SRGAP1: variants seen among roughly 807,000 people sequenced by gnomAD.
The protein encoded by SRGAP1 is SLIT-ROBO Rho GTPase activating protein 1, also known as SLIT-ROBO Rho GTPase-activating protein 1.
In SRGAP1, 43 loss-of-function variants were observed where a neutral mutation model predicts 121.9. The ratio of observed to expected loss-of-function variants is 0.35; its 90% CI spans 0.28 to 0.46. The LOEUF is 0.46. Ranked by LOEUF, SRGAP1 falls within the 20% of genes least tolerant of loss-of-function variation. The pLI, the probability that SRGAP1 is intolerant of heterozygous loss-of-function variation, is 1.00. For missense variants in SRGAP1, 1,102 were observed against 1,350.9 expected (o/e 0.82, Z 2.89); for synonymous variants, 447 against 485.4 (o/e 0.92, Z 1.04).
In SRGAP1 at chr12:63,966,145, T is replaced by A. The variant is rs116121740; in HGVS notation, c.68-17802T>A. Among the ~76,000 whole-genome samples, 793 of 152,274 alleles carry A rather than the reference T, an allele frequency of 5.2e-3. 5 individuals are homozygous for A. Among genetic ancestry groups the A allele is most frequent in the African/African-American group, 0.018 (762 of 41,558 alleles). The stretch of plus-strand genomic sequence containing the variant: ...AAAAGTGCATTTTTCATAGGCATAA[T>A]CACTACCCCAAATGGAATTTGCAGT... On this transcript the variant is annotated intron_variant, in intron 1 of 21. Transcript: ENST00000355086.
chr12:64,101,341 G>GTGTT (rs954761640), intron 15 of SRGAP1, among the ~76,000 whole-genome samples: 1 of 150,266 alleles, frequency 6.7e-6, no homozygotes, highest in Non-Finnish European at 1.5e-5. Context: ...GTGTGTGTGT[G>GTGTT]TGTGTGTGTG....
intron 1 of SRGAP1, among the ~76,000 whole-genome samples, chr12:63,911,598 C>G (rs1163584104): frequency 6.6e-6 from 1 of 152,160 alleles, no homozygotes; most frequent in African/African-American, 2.4e-5. Context: ...ATTACTGTAT[C>G]CCCTTGCTAA....
chr12:64,156,600 GATAAA>G lies in SRGAP1; in HGVS notation c.*13934_*13938del, dbSNP rs1320425285. ...GTTAGAGGCAAAGCTAAAAGGAAAT[GATAAA>G]ATAAATGAATATTTATAGAAGTTAA... On this transcript the variant is annotated 3_prime_UTR_variant, in exon 22 of 22. Transcript: ENST00000355086. The G allele has an allele frequency of 6.6e-6, 1 of 152,126 alleles. No individual in the cohort carries two copies. Among genetic ancestry groups the G allele is most frequent in the African/African-American group, 2.4e-5 (1 of 41,436 alleles). The allele number at this position is 152,126 out of a possible 1,614,324, so 9.4% of individuals were successfully genotyped here.
chr12:64,133,301 G>A (rs572567081), intron 21 of SRGAP1, among the ~76,000 whole-genome samples: 2 of 152,324 alleles, frequency 1.3e-5, no homozygotes, highest in South Asian at 2.1e-4. Context: ...CAGAGCCAAT[G>A]TGGGGGTTCT....
At chr12:63,936,951 C>G (rs892169217) in intron 1 of SRGAP1, among the ~76,000 whole-genome samples, 6 of 152,174 alleles carry the variant, frequency 3.9e-5, no homozygotes, top group African/African-American at 1.4e-4. Flanking sequence ...TTTCCCTCTG[C>G]TTTTTCAAAT....
At chr12:63,894,409 G>A (rs1900684588) in intron 1 of SRGAP1, among the ~76,000 whole-genome samples, 1 of 151,642 alleles carries the variant, frequency 6.6e-6, no homozygotes, top group African/African-American at 2.4e-5. Flanking sequence ...TCTAATATTG[G>A]TAAAAGTCTC....
chr12:63,891,563 A>G (rs2136297031), intron 1 of SRGAP1, among the ~76,000 whole-genome samples: 1 of 152,260 alleles, frequency 6.6e-6, no homozygotes, highest in East Asian at 1.9e-4. Flanking sequence ...AAATCCCTTC[A>G]CATACTGCTA....
At chr12:64,134,345 C>A (rs1027001104) in intron 21 of SRGAP1, among the ~76,000 whole-genome samples, 1 of 151,152 alleles carries the variant, frequency 6.6e-6, no homozygotes, top group Non-Finnish European at 1.5e-5. Context: ...GGCGTGAACC[C>A]GGGAGGCAGA....
rs546813948 is a variant in SRGAP1 at position 63,966,861 on chromosome 12, G to A, written c.68-17086G>A. On this transcript the variant is annotated intron_variant, in intron 1 of 21. Transcript: ENST00000355086. Reference sequence around the variant, plus strand: ...GAGCTTGGTGACTGTCTTCCTTTTAGCCTCTGGTTCCCAGATTAGGAAAAG... The same window carrying A: ...GAGCTTGGTGACTGTCTTCCTTTTAACCTCTGGTTCCCAGATTAGGAAAAG... Among the ~76,000 whole-genome samples, 6 of 152,282 alleles carry A rather than the reference G, an allele frequency of 3.9e-5. No individual in the cohort carries two copies. The East Asian group carries it at 1.2e-3, about 29-fold the overall frequency.
chr12:63,855,677 C>T (rs1028582091), intron 1 of SRGAP1, among the ~76,000 whole-genome samples: 17 of 151,388 alleles, frequency 1.1e-4, no homozygotes, highest in African/African-American at 3.4e-4. Flanking sequence ...TTAGTAGAGA[C>T]GGAGTTCCAC....
intron 21 of SRGAP1, among the ~76,000 whole-genome samples, chr12:64,140,152 G>A (rs1357692814): frequency 7.0e-6 from 1 of 143,072 alleles, no homozygotes; most frequent in East Asian, 2.0e-4. Flanking sequence ...TAGCCTTGTA[G>A]TATAGTTTGA....
In SRGAP1 at chr12:64,149,219, ATGT is replaced by A. The variant is rs1250449389; in HGVS notation, c.*6550_*6552del. Reference sequence around the variant, plus strand: ...TGTTTTCCCAAACTATGACGGAATAATGTTGAACTAACCTGTTGACCGGAAGGC... The same window carrying A: ...TGTTTTCCCAAACTATGACGGAATAATGAACTAACCTGTTGACCGGAAGGC... On this transcript the variant is annotated 3_prime_UTR_variant, in exon 22 of 22. Coordinates refer to ENST00000355086, the MANE Select transcript of SRGAP1 (RefSeq NM_020762.4). 3.3e-5 allele frequency: 5 copies of A among 152,216 alleles called. No individual in the cohort carries two copies. Among genetic ancestry groups the A allele is most frequent in the Admixed American group, 2.6e-4 (4 of 15,282 alleles). 9.4% of individuals were successfully genotyped at this position (152,216 alleles called of 1,614,324 possible).
intron 15 of SRGAP1, among the ~76,000 whole-genome samples, chr12:64,098,033 T>A (rs949709530): frequency 6.6e-6 from 1 of 152,130 alleles, no homozygotes; most frequent in African/African-American, 2.4e-5. Context: ...GATCCATGCA[T>A]CTAAAAATAC....
At chr12:63,883,391 C>G (rs1297687002) in intron 1 of SRGAP1, among the ~76,000 whole-genome samples, 3 of 152,302 alleles carry the variant, frequency 2.0e-5, no homozygotes, top group Non-Finnish European at 2.9e-5. Context: ...AAGAAGAAAA[C>G]TTGCTTTTTG....
At chr12:64,130,709 C>T (rs1171113549) in intron 21 of SRGAP1, among the ~76,000 whole-genome samples, 1 of 152,230 alleles carries the variant, frequency 6.6e-6, no homozygotes, top group African/African-American at 2.4e-5. Context: ...CACTGCCACT[C>T]TTCTTTAGCC....
intron 10 of SRGAP1, among the ~76,000 whole-genome samples, chr12:64,086,602 G>A (rs989499612): frequency 4.0e-4 from 61 of 151,384 alleles, no homozygotes; most frequent in Admixed American, 5.3e-4. Flanking sequence ...CATCCTTCTC[G>A]CTAACAAGTG....
intron 3 of SRGAP1, among the ~76,000 whole-genome samples, chr12:63,998,475 G>A (rs1015825140): frequency 5.3e-5 from 8 of 152,144 alleles, no homozygotes; most frequent in African/African-American, 1.9e-4. Flanking sequence ...CATCTTCTCT[G>A]TTCTATCACA....
At chr12:63,883,450 G>A (rs1243281394) in intron 1 of SRGAP1, among the ~76,000 whole-genome samples, 1 of 152,124 alleles carries the variant, frequency 6.6e-6, no homozygotes, top group African/African-American at 2.4e-5. Context: ...CATAGCAAAT[G>A]TTCTTGTTGT....
At chr12:64,073,378 T>C (rs2035677253) in intron 8 of SRGAP1, among the ~76,000 whole-genome samples, 1 of 152,244 alleles carries the variant, frequency 6.6e-6, no homozygotes, top group Non-Finnish European at 1.5e-5. Context: ...TGTAAGAACA[T>C]GGTTCTAGTG....
Sources: gnomAD v4.1 joint callset for allele counts (sites outside exome capture counted in the v4.1 genomes callset) on GRCh38, gnomAD v4.1.1 for gene constraint, MANE v1.5 for transcripts, NCBI Gene and HGNC (gene_info 2026-07-23, HGNC 2026-07-21) for gene names.